CYSTM1: variants seen among roughly 807,000 people sequenced by gnomAD.
CYSTM1 encodes cysteine-rich transmembrane module-containing protein 1.
In CYSTM1, 4 loss-of-function variants were observed where a neutral mutation model predicts 13.1. The ratio of observed to expected loss-of-function variants is 0.31; its 90% CI spans 0.15 to 0.70. CYSTM1 has a LOEUF of 0.70. Among genes scored for constraint, CYSTM1 ranks in the 30% least tolerant of loss-of-function variants. The pLI is 0.72. For synonymous variants in CYSTM1, 36 were observed against 42.7 expected, an observed-to-expected ratio of 0.84 and a Z score of 0.62; for missense variants, 96 against 121.6, an observed-to-expected ratio of 0.79 and a Z score of 0.99.
At chr5:140,238,645 T>C (rs1764712245) in intron 2 of CYSTM1, among the ~76,000 whole-genome samples, 1 of 152,244 alleles carries the variant, frequency 6.6e-6, no homozygotes. Context: ...CATAGCAAGT[T>C]GAGTCTTCTC....
chr5:140,190,781 A>T (rs1464380802), intron 1 of CYSTM1, among the ~76,000 whole-genome samples: 1 of 152,174 alleles, frequency 6.6e-6, no homozygotes, highest in Non-Finnish European at 1.5e-5. Flanking sequence ...AGTGCAGTCT[A>T]TTAATGGATC....
chr5:140,218,333 A>C (rs1379711994), intron 2 of CYSTM1, among the ~76,000 whole-genome samples: 3 of 152,132 alleles, frequency 2.0e-5, no homozygotes, highest in African/African-American at 7.2e-5. Flanking sequence ...TGCAATGCCC[A>C]TGTTGCTTCC....
intron 2 of CYSTM1, 63 bp downstream of exon 2, chr5:140,194,715 T>C (rs1764135216): frequency 6.6e-7 from 1 of 1,523,446 alleles, no homozygotes; most frequent in African/African-American, 1.4e-5. Flanking sequence ...TTTGCATGTT[T>C]TCTTTGGCAG....
intron 2 of CYSTM1, among the ~76,000 whole-genome samples, chr5:140,226,138 G>A (rs1021011243): frequency 6.6e-6 from 1 of 152,034 alleles, no homozygotes; most frequent in Non-Finnish European, 1.5e-5. Context: ...TCCAATGTGC[G>A]AAGCACTGTG....
At chr5:140,207,408 T>A (rs941012210) in intron 2 of CYSTM1, among the ~76,000 whole-genome samples, 1 of 152,176 alleles carries the variant, frequency 6.6e-6, no homozygotes, top group Non-Finnish European at 1.5e-5. Context: ...CCTTACTTAT[T>A]GCAGTGTTCT....
At chr5:140,194,330 G>C (rs1764126511) in intron 1 of CYSTM1, 116 bp from the exon 2 acceptor site, 1 of 973,524 alleles carries the variant, frequency 1.0e-6, no homozygotes, top group Non-Finnish European at 1.5e-6. Flanking sequence ...CTAGAGATTT[G>C]CACAAGGCTT....
chr5:140,241,897 G>C (rs1254980423), intron 2 of CYSTM1, among the ~76,000 whole-genome samples: 1 of 152,202 alleles, frequency 6.6e-6, no homozygotes, highest in Non-Finnish European at 1.5e-5. Flanking sequence ...AGCAAGCCTG[G>C]CTTGCCAGAG....
At chr5:140,238,820 C>T (rs1444809549) in intron 2 of CYSTM1, among the ~76,000 whole-genome samples, 4 of 152,234 alleles carry the variant, frequency 2.6e-5, no homozygotes, top group South Asian at 4.1e-4. Flanking sequence ...CTCCTTCTGT[C>T]GGTCTAGATG....
intron 2 of CYSTM1, among the ~76,000 whole-genome samples, chr5:140,240,016 C>T (rs925757112): frequency 6.6e-6 from 1 of 152,040 alleles, no homozygotes; most frequent in Non-Finnish European, 1.5e-5. Context: ...GGAGCTGGAA[C>T]CCAGCTCCGG....
chr5:140,226,613 A>ATATATATATATATATATAT lies in CYSTM1; in HGVS notation c.188-16692_188-16691insTATATATATATATATATAT, dbSNP rs61099181. On this transcript the variant is annotated intron_variant, in intron 2 of 2. Coordinates refer to ENST00000261811, the MANE Select transcript of CYSTM1 (RefSeq NM_032412.4). ...ATATATATATATATATATATATATA[A>ATATATATATATATATATAT]AAATTAGCCAGATGTGATGGCGCAT... Among the ~76,000 whole-genome samples, 475 of 84,828 alleles carry ATATATATATATATATATAT rather than the reference A, an allele frequency of 5.6e-3. 5 individuals carry two copies. The highest frequency in any genetic ancestry group is 0.012 in the South Asian group (26 of 2,122). 55.7% of individuals were successfully genotyped at this position (84,828 alleles called of 152,430 possible). A position where few individuals can be genotyped will look rare whatever the true frequency, so the allele number is the denominator to read the frequency against.
intron 1 of CYSTM1, among the ~76,000 whole-genome samples, chr5:140,177,897 C>T (rs1328064849): frequency 6.6e-6 from 1 of 152,136 alleles, no homozygotes; most frequent in Non-Finnish European, 1.5e-5. Context: ...TGGAAAGAAA[C>T]AGTCCACCCC....
rs577065326 is a variant in CYSTM1, at chr5:140,181,975, G to C, written c.-21+6690G>C. Among the ~76,000 whole-genome samples the C allele has an allele frequency of 7.2e-5, 11 of 152,270 alleles. No homozygotes were observed. In the South Asian group the frequency reaches 2.1e-3, roughly 29 times the overall value. ...GGGAGGGTCTTGAAAGTAAACCCTA[G>C]TGTTTTTCACACTTCATTTGTGTTC... On this transcript the variant is annotated intron_variant, in intron 1 of 2. Coordinates refer to ENST00000261811, the MANE Select transcript of CYSTM1 (RefSeq NM_032412.4).
intron 1 of CYSTM1, among the ~76,000 whole-genome samples, chr5:140,179,788 G>T (rs1175182537): frequency 6.6e-6 from 1 of 151,564 alleles, no homozygotes; most frequent in Non-Finnish European, 1.5e-5. Context: ...AGCCTCCCGA[G>T]TAGCTGGGAC....
chr5:140,215,660 TG>T (rs1253075425), intron 2 of CYSTM1, among the ~76,000 whole-genome samples: 1 of 152,156 alleles, frequency 6.6e-6, no homozygotes, highest in African/African-American at 2.4e-5. Context: ...GTTAACATTT[TG>T]GTATAAATGT....
chr5:140,207,567 G>C (rs1004069956), intron 2 of CYSTM1, among the ~76,000 whole-genome samples: 1 of 152,156 alleles, frequency 6.6e-6, no homozygotes, highest in Non-Finnish European at 1.5e-5. Context: ...GGAACTTAAT[G>C]TACAACTCAA....
At chr5:140,241,358 C>T (rs780217611) in intron 2 of CYSTM1, among the ~76,000 whole-genome samples, 4 of 152,214 alleles carry the variant, frequency 2.6e-5, no homozygotes, top group Admixed American at 6.5e-5. Flanking sequence ...ATGCCCCACA[C>T]GGCGGTCATG....
At chr5:140,194,214 A>G (rs1764125398) in intron 1 of CYSTM1, among the ~76,000 whole-genome samples, 1 of 152,180 alleles carries the variant, frequency 6.6e-6, no homozygotes. Context: ...CTTGATATCT[A>G]CTGTCACAGC....
At chr5:140,188,121 A>G (rs1764044640) in intron 1 of CYSTM1, among the ~76,000 whole-genome samples, 1 of 147,106 alleles carries the variant, frequency 6.8e-6, no homozygotes, top group South Asian at 2.1e-4. Context: ...TGTTGCCCAG[A>G]CTAGAGTGTA....
At position 140,222,354 on chromosome 5, in the gene CYSTM1, C is replaced by G. The variant is rs867734441; in HGVS notation, c.188-20951C>G. ...TTTCTGAAATGCCTTGGCACAGGAC[C>G]GGTTTTTCCCCATACCAGCTAAGGA... On this transcript the variant is annotated intron_variant, in intron 2 of 2. Transcript: ENST00000261811. Among the ~76,000 whole-genome samples the G allele has an allele frequency of 5.1e-4, 77 of 152,310 alleles. No individual in the cohort carries two copies. The South Asian group carries it at 0.011, about 21-fold the overall frequency.
Sources: allele counts gnomAD v4.1 joint callset (sites outside exome capture counted in the v4.1 genomes callset), GRCh38; gene constraint gnomAD v4.1.1; transcripts MANE v1.5; gene names NCBI Gene and HGNC (gene_info 2026-07-23, HGNC 2026-07-21).